The following RASGRP3 variants were observed in gnomAD, a reference collection of about 807,000 sequenced individuals.
The protein encoded by RASGRP3 is RAS guanyl releasing protein 3, also known as ras guanyl-releasing protein 3.
A neutral mutation model predicts 82.7 loss-of-function variants in RASGRP3; 54 were observed. That is an observed-to-expected ratio of 0.65 (90% CI 0.52 to 0.82). The LOEUF is 0.82. Ranked by LOEUF, RASGRP3 falls within the 40% of genes least tolerant of loss-of-function variation. The pLI is 0.00. For synonymous variants in RASGRP3, 309 were observed against 300.5 expected (o/e 1.03, Z -0.29); for missense variants, 861 against 828.9 (o/e 1.04, Z -0.48).
intron 2 of RASGRP3, among the ~76,000 whole-genome samples, chr2:33,456,692 C>T (rs1204347616): frequency 1.3e-5 from 2 of 151,960 alleles, no homozygotes; most frequent in African/African-American, 4.8e-5. Context: ...ATTTATATAC[C>T]CATGAGAGAA....
At chr2:33,463,286 A>C (rs1329547397) in intron 2 of RASGRP3, among the ~76,000 whole-genome samples, 1 of 152,236 alleles carries the variant, frequency 6.6e-6, no homozygotes, top group Non-Finnish European at 1.5e-5. Context: ...AGATGGACAG[A>C]GAATGTTAAG....
At chr2:33,507,066 C>T (rs1670444906) in intron 1 of RASGRP3, among the ~76,000 whole-genome samples, 1 of 152,112 alleles carries the variant, frequency 6.6e-6, no homozygotes, top group Admixed American at 6.5e-5. Context: ...TAAACAGAAA[C>T]AAGACCAATG....
chr2:33,558,180 A>ACGCAG (rs1676221460), intron 15 of RASGRP3, 31 bp from the exon 16 acceptor site: 1 of 1,601,802 alleles, frequency 6.2e-7, no homozygotes, highest in African/African-American at 1.3e-5. Context: ...CAGACACACT[A>ACGCAG]ATCATCTGCG....
Position 33,450,818 on chromosome 2 carries a change from C to CTTTTTTTTTTTTTTTTTTTTTTTTTTT in RASGRP3, c.-261+2878_-261+2879insTTTTTTTTTTTTTTTTTTTTTTTTTTT, listed in dbSNP as rs879744839. Reference sequence around the variant, plus strand: ...CTTTTCTTTCTTTTTCTCTTTCTTTCTTTCTTTTTTTTTTTTTTTTTTTTT... The same window carrying CTTTTTTTTTTTTTTTTTTTTTTTTTTT: ...CTTTTCTTTCTTTTTCTCTTTCTTTCTTTTTTTTTTTTTTTTTTTTTTTTTTTTTTCTTTTTTTTTTTTTTTTTTTTT... On this transcript the variant is annotated intron_variant, in intron 2 of 18. Coordinates refer to the RASGRP3 transcript ENST00000402538. 1.6e-3 allele frequency among the ~76,000 whole-genome samples: 68 copies of CTTTTTTTTTTTTTTTTTTTTTTTTTTT among 43,406 alleles called. 14 individuals are homozygous for CTTTTTTTTTTTTTTTTTTTTTTTTTTT. The highest frequency in any genetic ancestry group is 2.6e-3 in the Admixed American group (8 of 3,038). 28.5% of individuals were successfully genotyped at this position (43,406 alleles called of 152,430 possible). A position where few individuals can be genotyped will look rare whatever the true frequency, so the allele number is the denominator to read the frequency against.
rs1453693560 is a variant in RASGRP3, at chr2:33,542,183, G to C, written c.1279-1329G>C. On this transcript the variant is annotated intron_variant, in intron 12 of 17. Transcript: ENST00000403687. Reference sequence around the variant, plus strand: ...GGTAATTTATTTTGTAAGATTATTAGTCATTTAACTCAACAGCAGTTATTG... The same window carrying C: ...GGTAATTTATTTTGTAAGATTATTACTCATTTAACTCAACAGCAGTTATTG... 1.4e-5 allele frequency among the ~76,000 whole-genome samples: 2 copies of C among 147,144 alleles called. 1 individual carries two copies. Among genetic ancestry groups the C allele is most frequent in the East Asian group, 3.8e-4 (2 of 5,200 alleles).
intron 2 of RASGRP3, among the ~76,000 whole-genome samples, chr2:33,469,113 T>A (rs1340661822): frequency 6.6e-6 from 1 of 152,196 alleles, no homozygotes; most frequent in Non-Finnish European, 1.5e-5. Flanking sequence ...GGAAGCTGAC[T>A]TTTTCATGTG....
intron 13 of RASGRP3, among the ~76,000 whole-genome samples, chr2:33,545,579 A>C (rs1674651072): frequency 6.6e-6 from 1 of 152,200 alleles, no homozygotes; most frequent in South Asian, 2.1e-4. Context: ...TCATAAATTC[A>C]TTTATCATAT....
chr2:33,444,816 C>A (rs1371745523), intron 1 of RASGRP3, among the ~76,000 whole-genome samples: 4 of 152,070 alleles, frequency 2.6e-5, no homozygotes, highest in African/African-American at 9.7e-5. Flanking sequence ...TAAACATTAT[C>A]CAAATTTGAA....
At chr2:33,535,674 G>C (rs1304392226) in intron 11 of RASGRP3, among the ~76,000 whole-genome samples, 1 of 152,218 alleles carries the variant, frequency 6.6e-6, no homozygotes, top group Non-Finnish European at 1.5e-5. Context: ...CCAGTCCCCA[G>C]AGGCTCATCT....
intron 1 of RASGRP3, among the ~76,000 whole-genome samples, chr2:33,438,219 TA>T (rs1665027900): frequency 6.6e-6 from 1 of 152,370 alleles, no homozygotes; most frequent in Non-Finnish European, 1.5e-5. Flanking sequence ...TTTTCACTTG[TA>T]AAAGGCTCAT....
At chr2:33,453,399 G>A (rs1665895966) in intron 2 of RASGRP3, among the ~76,000 whole-genome samples, 1 of 152,184 alleles carries the variant, frequency 6.6e-6, no homozygotes, top group African/African-American at 2.4e-5. Context: ...GGGGATATGT[G>A]CTGGAAAATA....
chr2:33,514,519 A>AAC (rs1249368307), intron 2 of RASGRP3, among the ~76,000 whole-genome samples: 5 of 149,792 alleles, frequency 3.3e-5, no homozygotes, highest in African/African-American at 1.2e-4. Context: ...AAAAAAAAAA[A>AAC]AAAAAAAACC....
chr2:33,512,446 T>C (rs1338739173), intron 2 of RASGRP3, among the ~76,000 whole-genome samples: 1 of 152,220 alleles, frequency 6.6e-6, no homozygotes, highest in East Asian at 1.9e-4. Flanking sequence ...AACTTGTTAA[T>C]TGTTCAATCT....
chr2:33,478,598 C>T (rs561277910), intron 1 of RASGRP3, among the ~76,000 whole-genome samples: 16 of 152,222 alleles, frequency 1.1e-4, no homozygotes, highest in Non-Finnish European at 1.8e-4. Flanking sequence ...AAAACCCATG[C>T]CTTTTCAAAA....
chr2:33,440,402 G>A (rs1240553995), intron 1 of RASGRP3, among the ~76,000 whole-genome samples: 1 of 152,150 alleles, frequency 6.6e-6, no homozygotes, highest in Non-Finnish European at 1.5e-5. Flanking sequence ...ATTAATGAGA[G>A]GCAGATGGAA....
intron 1 of RASGRP3, among the ~76,000 whole-genome samples, chr2:33,440,471 G>A (rs536017253): frequency 1.2e-4 from 19 of 152,300 alleles, no homozygotes; most frequent in Non-Finnish European, 2.4e-4. Flanking sequence ...TATACAGAAT[G>A]TTGAGCCTCT....
At chr2:33,499,776 A>AGG (rs34739183) in intron 1 of RASGRP3, among the ~76,000 whole-genome samples, 29 of 149,410 alleles carry the variant, frequency 1.9e-4, no homozygotes, top group African/African-American at 4.0e-4. Flanking sequence ...AAAAAAAAAG[A>AGG]GAGGATAAGA....
chr2:33,450,887 G>C (rs1177788530), intron 2 of RASGRP3, among the ~76,000 whole-genome samples: 1 of 112,596 alleles, frequency 8.9e-6, no homozygotes, highest in Non-Finnish European at 1.7e-5. Flanking sequence ...GCCCAGGCTG[G>C]AGTGTAGTGG....
intron 6 of RASGRP3, 94 bp downstream of exon 6, chr2:33,520,778 C>G: frequency 6.6e-7 from 1 of 1,512,846 alleles, no homozygotes; most frequent in Non-Finnish European, 9.0e-7. Flanking sequence ...CCATCCCACT[C>G]CTGAATCCAG....
Sources: allele counts gnomAD v4.1 joint callset (sites outside exome capture counted in the v4.1 genomes callset), GRCh38; gene constraint gnomAD v4.1.1; transcripts MANE v1.5; gene names NCBI Gene and HGNC (gene_info 2026-07-23, HGNC 2026-07-21).